The following SRRM4 variants were observed in gnomAD, a reference collection of about 807,000 sequenced individuals.
SRRM4 encodes the protein serine/arginine repetitive matrix 4.
SRRM4 carries 33 observed loss-of-function variants against 68.9 expected under a neutral mutation model. The observed-to-expected ratio is 0.48, with a 90% CI of 0.36 to 0.64. The LOEUF (loss-of-function observed/expected upper bound fraction) is 0.64, where lower values mean the gene tolerates loss of function less well. SRRM4 is among the 30% of genes least tolerant of loss of function. The pLI is 0.00. For missense variants in SRRM4, 817 were observed against 827.1 expected, an observed-to-expected ratio of 0.99 and a Z score of 0.15; for synonymous variants, 318 against 318.8, an observed-to-expected ratio of 1.00 and a Z score of 0.03.
intron 1 of SRRM4, among the ~76,000 whole-genome samples, chr12:119,099,386 G>A (rs1306891005): frequency 2.6e-5 from 4 of 152,066 alleles, no homozygotes; most frequent in East Asian, 1.9e-4. Context: ...CACTTGCCTC[G>A]GCCTCCCGAA....
intron 1 of SRRM4, among the ~76,000 whole-genome samples, chr12:119,035,023 G>A (rs965058256): frequency 2.0e-5 from 3 of 151,966 alleles, no homozygotes; most frequent in East Asian, 3.9e-4. Context: ...TTCATTCCCT[G>A]TCTCTCACTA....
At chr12:119,151,665 T>C (rs924746159) in intron 10 of SRRM4, among the ~76,000 whole-genome samples, 9 of 152,132 alleles carry the variant, frequency 5.9e-5, no homozygotes, top group South Asian at 2.1e-4. Flanking sequence ...TCTGATCTCA[T>C]TGGGCTCACT....
rs1215630082 is a variant in SRRM4, at chr12:119,122,292, C to CAGGAAGGCAGGAAGGA, written c.515+179_515+180insCAGGAAGGAAGGAAGG. On this transcript the variant is annotated intron_variant, in intron 6 of 12. Coordinates refer to ENST00000267260, the MANE Select transcript of SRRM4 (RefSeq NM_194286.4). ...GCAGGAAGGCAGGAAGGCAGGAAGGCAGGAAGGAAGGAAGGAAGGAAGGAA... is the reference window on the plus strand; with the variant it reads ...GCAGGAAGGCAGGAAGGCAGGAAGGCAGGAAGGCAGGAAGGAAGGAAGGAAGGAAGGAAGGAAGGAA... 2.4e-3 allele frequency among the ~76,000 whole-genome samples: 169 copies of CAGGAAGGCAGGAAGGA among 69,682 alleles called. 5 individuals are homozygous for CAGGAAGGCAGGAAGGA. Among genetic ancestry groups the CAGGAAGGCAGGAAGGA allele is most frequent in the Middle Eastern group, 0.011 (2 of 176 alleles). The allele number at this position is 69,682 out of a possible 152,430, so 45.7% of individuals were successfully genotyped here.
chr12:119,045,791 A>C (rs1953703718), intron 1 of SRRM4, among the ~76,000 whole-genome samples: 1 of 152,114 alleles, frequency 6.6e-6, no homozygotes, highest in Non-Finnish European at 1.5e-5. Flanking sequence ...TAATCCCAGC[A>C]CTTTGGGAGG....
At chr12:119,069,253 CG>C (rs375991724) in intron 1 of SRRM4, among the ~76,000 whole-genome samples, 1 of 152,246 alleles carries the variant, frequency 6.6e-6, no homozygotes, top group Non-Finnish European at 1.5e-5. Context: ...TGAGAACTGC[CG>C]GGAGACCTTT....
intron 1 of SRRM4, among the ~76,000 whole-genome samples, chr12:119,018,362 T>C (rs1364780942): frequency 6.6e-6 from 1 of 152,184 alleles, no homozygotes; most frequent in Non-Finnish European, 1.5e-5. Flanking sequence ...GGGGAATTAG[T>C]ATGAAACATG....
Position 119,158,472 on chromosome 12 carries a change from C to T in SRRM4, c.*1674C>T, listed in dbSNP as rs1359495903. 6.6e-6 allele frequency: 1 copy of T among 152,370 alleles called. No homozygotes were observed. Among genetic ancestry groups the T allele is most frequent in the Non-Finnish European group, 1.5e-5 (1 of 68,154 alleles). The allele number at this position is 152,370 out of a possible 1,614,324, so 9.4% of individuals were successfully genotyped here. A position where few individuals can be genotyped will look rare whatever the true frequency, so the allele number is the denominator to read the frequency against. The stretch of plus-strand genomic sequence containing the variant: ...GGGCTAGAGACTGCCATGCAACCAC[C>T]ACCACGACAGCCCTTCCTCCATCAG... On this transcript the variant is annotated 3_prime_UTR_variant, in exon 13 of 13. Coordinates refer to ENST00000267260, the MANE Select transcript of SRRM4 (RefSeq NM_194286.4).
In SRRM4 at chr12:119,016,954, C is replaced by G. The variant is rs1345594210; in HGVS notation, c.131+34941C>G. Reference sequence around the variant, plus strand: ...CTGTAGAATGGGGATTAAATACCACCTACTTCATAGTATTGTTGTGATAAT... The same window carrying G: ...CTGTAGAATGGGGATTAAATACCACGTACTTCATAGTATTGTTGTGATAAT... On this transcript the variant is annotated intron_variant, in intron 1 of 12. Coordinates refer to ENST00000267260, the MANE Select transcript of SRRM4 (RefSeq NM_194286.4). Among the ~76,000 whole-genome samples the G allele has an allele frequency of 2.6e-5, 4 of 152,206 alleles. No individual in the cohort carries two copies. In the East Asian group the frequency reaches 7.7e-4, roughly 29 times the overall value.
chr12:119,035,135 G>A (rs1953618366), intron 1 of SRRM4, among the ~76,000 whole-genome samples: 1 of 151,732 alleles, frequency 6.6e-6, no homozygotes, highest in African/African-American at 2.4e-5. Context: ...ATTAACCCTT[G>A]CATTTAAAAA....
At chr12:119,130,015 GC>G (rs1275535647) in intron 7 of SRRM4, among the ~76,000 whole-genome samples, 16 of 142,186 alleles carry the variant, frequency 1.1e-4, no homozygotes, top group East Asian at 6.4e-4. Context: ...ATGGATGAAT[GC>G]ATAGATGGTT....
rs555361867 is a variant in SRRM4 at position 119,079,803 on chromosome 12, T to C, written c.132-22433T>C. Among the ~76,000 whole-genome samples the C allele has an allele frequency of 5.9e-5, 9 of 152,268 alleles. No individual in the cohort carries two copies. In the South Asian group the frequency reaches 1.7e-3, roughly 28 times the overall value. On this transcript the variant is annotated intron_variant, in intron 1 of 12. Transcript: ENST00000267260. ...GAAACTGTTGGGATCGCCTAGTCAA[T>C]TACTAGTCAAGTGGGGTAATGTGCA...
At chr12:119,106,659 T>C (rs1453239103) in intron 2 of SRRM4, among the ~76,000 whole-genome samples, 2 of 150,414 alleles carry the variant, frequency 1.3e-5, no homozygotes, top group African/African-American at 4.9e-5. Context: ...ACATTGATTT[T>C]GTATCCCGAG....
In SRRM4 at chr12:119,125,255, G is replaced by T. The variant is rs563657744; in HGVS notation, c.516-126G>T. 126 of 808,454 alleles carry T rather than the reference G, an allele frequency of 1.6e-4. 1 individual carries two copies. In the South Asian group the frequency reaches 2.1e-3, roughly 13 times the overall value. The allele number at this position is 808,454 out of a possible 1,614,324, so 50.1% of individuals were successfully genotyped here. On this transcript the variant is annotated intron_variant, in intron 6 of 12. Coordinates refer to ENST00000267260, the MANE Select transcript of SRRM4 (RefSeq NM_194286.4). ...CTAACGCATGGGGTTGAGGGAGATG[G>T]AGAACTTCGGGAGGGATGGTGACCA...
At chr12:119,120,404 C>T (rs1296304674) in intron 5 of SRRM4, 128 bp downstream of exon 5, 1 of 979,584 alleles carries the variant, frequency 1.0e-6, no homozygotes, top group African/African-American at 1.7e-5. Context: ...TCCTGGGCCT[C>T]AGTTTCCTCC....
chr12:119,041,332 T>C (rs1953667754), intron 1 of SRRM4, among the ~76,000 whole-genome samples: 3 of 152,192 alleles, frequency 2.0e-5, no homozygotes, highest in Admixed American at 2.0e-4. Context: ...GCTTAACTTG[T>C]GGATGCCTCA....
chr12:119,079,119 A>G (rs375639161), intron 1 of SRRM4, among the ~76,000 whole-genome samples: 5 of 152,106 alleles, frequency 3.3e-5, no homozygotes, highest in African/African-American at 1.2e-4. Flanking sequence ...GATGGGAGAG[A>G]AAGGTGTTGC....
chr12:119,075,916 G>GGTGATGATC (rs199880492), intron 1 of SRRM4, among the ~76,000 whole-genome samples: 1 of 21,900 alleles, frequency 4.6e-5, no homozygotes, highest in African/African-American at 1.3e-4. Context: ...TGGTGATGAT[G>GGTGATGATC]ATGATGATGG....
At chr12:119,060,000 G>T (rs888670707) in intron 1 of SRRM4, among the ~76,000 whole-genome samples, 1 of 152,114 alleles carries the variant, frequency 6.6e-6, no homozygotes, top group Non-Finnish European at 1.5e-5. Flanking sequence ...GTATGCTGAG[G>T]AACCATGATT....
Position 119,145,376 on chromosome 12 carries a change from T to G in SRRM4, c.772-5T>G, listed in dbSNP as rs1221393255. 1 of 1,598,864 alleles carries G rather than the reference T, an allele frequency of 6.3e-7. No homozygotes were observed. The highest frequency in any genetic ancestry group is 8.5e-7 in the Non-Finnish European group (1 of 1,172,420). ...GCAGTGTCCAACGGGTCTTTTTGCT[T>G]TCAGATCACTGGGTCGGGGTCTGCT... is the stretch of plus-strand genomic sequence containing the variant. On this transcript the variant is annotated splice_region_variant and splice_polypyrimidine_tract_variant and intron_variant, in intron 8 of 12. Coordinates refer to ENST00000267260, the MANE Select transcript of SRRM4 (RefSeq NM_194286.4).
Sources: allele counts gnomAD v4.1 joint callset (sites outside exome capture counted in the v4.1 genomes callset), GRCh38; gene constraint gnomAD v4.1.1; transcripts MANE v1.5; gene names NCBI Gene and HGNC (gene_info 2026-07-23, HGNC 2026-07-21).